Variants in TTYH2 observed in about 807,000 individuals in gnomAD.
TTYH2 encodes tweety family member 2.
A neutral mutation model predicts 68.3 loss-of-function variants in TTYH2; 49 were observed. That is an observed-to-expected ratio of 0.72 (90% CI 0.57 to 0.91). The LOEUF is 0.91. Ranked by LOEUF, TTYH2 falls within the 40% of genes least tolerant of loss-of-function variation. TTYH2 has a pLI of 0.00. For missense variants in TTYH2, 631 were observed against 700.4 expected, an observed-to-expected ratio of 0.90 and a Z score of 1.12; for synonymous variants, 272 against 300.8, an observed-to-expected ratio of 0.90 and a Z score of 0.99.
chr17:74,233,658 C>T (rs2050412571), intron 3 of TTYH2, among the ~76,000 whole-genome samples: 1 of 152,134 alleles, frequency 6.6e-6, no homozygotes, highest in South Asian at 2.1e-4. Context: ...GCTCCAAGTC[C>T]TCCTTTCCTG....
Position 74,232,991 on chromosome 17 carries a change from T to G in TTYH2, c.414+1992T>G, listed in dbSNP as rs1241449851. On this transcript the variant is annotated intron_variant, in intron 3 of 13. Coordinates refer to ENST00000269346, the MANE Select transcript of TTYH2 (RefSeq NM_032646.6). The surrounding 1 kb of genome is among the most constrained non-coding windows in gnomAD (Gnocchi z 5.1). ...CTGCTCCAGGGCCAGGTTTGGACAT[T>G]TCACAGCAGGCCCCACTCTCTGAAA... Among the ~76,000 whole-genome samples the G allele has an allele frequency of 6.6e-6, 1 of 152,122 alleles. No individual in the cohort carries two copies. Among genetic ancestry groups the G allele is most frequent in the East Asian group, 1.9e-4 (1 of 5,192 alleles).
intron 6 of TTYH2, among the ~76,000 whole-genome samples, chr17:74,245,827 C>G (rs1039895694): frequency 6.6e-6 from 1 of 152,196 alleles, no homozygotes; most frequent in East Asian, 1.9e-4. Flanking sequence ...CAATGCCACC[C>G]TGCTCTCTGA....
At chr17:74,257,417 G>A (rs2050703977) in intron 13 of TTYH2, among the ~76,000 whole-genome samples, 1 of 152,208 alleles carries the variant, frequency 6.6e-6, no homozygotes. Context: ...GAACCCCACA[G>A]CATGGAGGGT....
At chr17:74,245,243 C>T (rs1209684325) in intron 6 of TTYH2, among the ~76,000 whole-genome samples, 3 of 152,214 alleles carry the variant, frequency 2.0e-5, no homozygotes, top group African/African-American at 4.8e-5. Context: ...GCAGTGACCA[C>T]GGACCAAGGA....
At chr17:74,244,519 C>G (rs945567017) in intron 6 of TTYH2, among the ~76,000 whole-genome samples, 3 of 152,184 alleles carry the variant, frequency 2.0e-5, no homozygotes, top group Non-Finnish European at 4.4e-5. Context: ...GACTTGCCTT[C>G]CATCCCAATG....
chr17:74,243,252 G>T, intron 4 of TTYH2, 122 bp from the exon 5 acceptor site: 1 of 801,406 alleles, frequency 1.2e-6, no homozygotes, highest in Non-Finnish European at 2.1e-6. Context: ...TGCTGGCTCT[G>T]GGCAGCATGT....
At chr17:74,255,799 G>A (rs2050688139) in intron 13 of TTYH2, among the ~76,000 whole-genome samples, 1 of 152,204 alleles carries the variant, frequency 6.6e-6, no homozygotes, top group Non-Finnish European at 1.5e-5. Context: ...GCCATGGGGT[G>A]GGCAGAAGGG....
At chr17:74,234,830 T>G (rs976651681) in intron 3 of TTYH2, among the ~76,000 whole-genome samples, 3 of 152,376 alleles carry the variant, frequency 2.0e-5, no homozygotes, top group East Asian at 3.9e-4. Flanking sequence ...CACCTATTAC[T>G]GGGTTTGTTC....
At position 74,254,167 on chromosome 17, in the gene TTYH2, C is replaced by CTTTA. The variant is rs754823416; in HGVS notation, c.1524+354_1524+357dup. 1.9e-3 allele frequency among the ~76,000 whole-genome samples: 260 copies of CTTTA among 136,670 alleles called. 1 individual carries two copies. Among genetic ancestry groups the CTTTA allele is most frequent in the Non-Finnish European group, 1.6e-3 (104 of 63,112 alleles). The allele number at this position is 136,670 out of a possible 152,430, so 89.7% of individuals were successfully genotyped here. ...GTGGCCATCCTGGTTAAGTAATTGC[C>CTTTA]TTTATTTATTTATTTATTTATTTTT... On this transcript the variant is annotated intron_variant, in intron 13 of 13. Transcript: ENST00000269346.
chr17:74,237,660 T>C (rs2050458077), intron 4 of TTYH2, 146 bp downstream of exon 4: 1 of 708,178 alleles, frequency 1.4e-6, no homozygotes. Flanking sequence ...AGAGTCTTGC[T>C]CTGTTGCCCA....
intron 3 of TTYH2, among the ~76,000 whole-genome samples, chr17:74,233,047 T>C (rs960511582): frequency 2.6e-5 from 4 of 152,170 alleles, no homozygotes; most frequent in Admixed American, 1.3e-4. Context: ...AAGGGTTCTG[T>C]ATCCCTGGAG....
In TTYH2 at chr17:74,222,247, C is replaced by T. The variant is rs57929169; in HGVS notation, c.130-238C>T. Among the ~76,000 whole-genome samples, 32 of 152,364 alleles carry T rather than the reference C, an allele frequency of 2.1e-4. No individual in the cohort carries two copies. The highest frequency in any genetic ancestry group is 7.5e-4 in the African/African-American group (31 of 41,586). Reference sequence around the variant, plus strand: ...GACCAGCTCTGGCACCCCTCCCTCACTGACCACGAGGCCCACCACTTGGCC... The same window carrying T: ...GACCAGCTCTGGCACCCCTCCCTCATTGACCACGAGGCCCACCACTTGGCC... On this transcript the variant is annotated intron_variant, in intron 1 of 13. Coordinates refer to ENST00000269346, the MANE Select transcript of TTYH2 (RefSeq NM_032646.6). The surrounding 1 kb of genome is among the most constrained non-coding windows in gnomAD (Gnocchi z 5.2).
At chr17:74,252,995 G>A in intron 11 of TTYH2, 86 bp from the exon 12 acceptor site, 1 of 1,438,494 alleles carries the variant, frequency 7.0e-7, no homozygotes, top group Non-Finnish European at 9.6e-7. Context: ...GTCCTGGGAG[G>A]AAAGGCAGGG....
In TTYH2 at chr17:74,213,745, C is replaced by G; in HGVS notation, c.129+29C>G. The G allele has an allele frequency of 6.2e-7, 1 of 1,604,678 alleles. No homozygotes were observed. The highest frequency in any genetic ancestry group is 2.3e-5 in the East Asian group (1 of 44,198). The stretch of plus-strand genomic sequence containing the variant: ...AGTTTACGCCGCCCCAGACCGCAGC[C>G]ACGCGCGCCCCAAGTCCCCGCACTA... On this transcript the variant is annotated intron_variant, in intron 1 of 13. Transcript: ENST00000269346. The surrounding 1 kb of genome is among the most constrained non-coding windows in gnomAD (Gnocchi z 6.1).
chr17:74,256,318 A>T (rs1409421380), intron 13 of TTYH2, among the ~76,000 whole-genome samples: 1 of 152,076 alleles, frequency 6.6e-6, no homozygotes, highest in African/African-American at 2.4e-5. Context: ...GAGGCTGGGG[A>T]TGGGGGCTGG....
chr17:74,219,248 G>A lies in TTYH2; in HGVS notation c.130-3237G>A, dbSNP rs11653116. On this transcript the variant is annotated intron_variant, in intron 1 of 13. Transcript: ENST00000269346. ...AAAAAAGTACAAAAAAATTAGCTGGGCCTGGTAGCACATGCCTGTAATCCC... is the reference window on the plus strand; with the variant it reads ...AAAAAAGTACAAAAAAATTAGCTGGACCTGGTAGCACATGCCTGTAATCCC... Among the ~76,000 whole-genome samples the A allele has an allele frequency of 8.7e-3, 1,311 of 150,838 alleles. 11 individuals are homozygous for A. Among genetic ancestry groups the A allele is most frequent in the Non-Finnish European group, 0.015 (981 of 67,654 alleles).
At chr17:74,231,947 A>G (rs1328988913) in intron 3 of TTYH2, among the ~76,000 whole-genome samples, 1 of 152,040 alleles carries the variant, frequency 6.6e-6, no homozygotes, top group Non-Finnish European at 1.5e-5. Context: ...GACCTGGCCC[A>G]GGGAGGAGCA....
Position 74,222,462 on chromosome 17 carries a change from A to G in TTYH2, c.130-23A>G. On this transcript the variant is annotated intron_variant, in intron 1 of 13. Transcript: ENST00000269346. This position sits in a 1 kb window ranked among gnomAD's most constrained non-coding sequence, Gnocchi z 5.2. ...CCGCACTGCAGGGATGAAGAGTGACAACAGGCCTCTGCTCTCTTCCAGTCG... is the reference window on the plus strand; with the variant it reads ...CCGCACTGCAGGGATGAAGAGTGACGACAGGCCTCTGCTCTCTTCCAGTCG... 6.3e-7 allele frequency: 1 copy of G among 1,596,790 alleles called. No individual in the cohort carries two copies. The highest frequency in any genetic ancestry group is 8.5e-7 in the Non-Finnish European group (1 of 1,174,114).
chr17:74,227,254 C>T (rs1486735278), intron 2 of TTYH2, among the ~76,000 whole-genome samples: 5 of 152,190 alleles, frequency 3.3e-5, no homozygotes, highest in African/African-American at 1.2e-4. Context: ...GGATTACAGG[C>T]TTGAGCCCCA....
Sources: allele counts gnomAD v4.1 joint callset (sites outside exome capture counted in the v4.1 genomes callset), GRCh38; gene constraint gnomAD v4.1.1; non-coding constraint Gnocchi (gnomAD v3.1); transcripts MANE v1.5; gene names NCBI Gene and HGNC (gene_info 2026-07-23, HGNC 2026-07-21).